CDH10: variants seen among roughly 807,000 people sequenced by gnomAD.
CDH10 encodes cadherin 10, also known as cadherin-10.
Under a neutral mutation model 73.1 loss-of-function variants are expected in CDH10, and 30 were observed. That is an observed-to-expected ratio of 0.41 (90% CI 0.31 to 0.56). The LOEUF is 0.56. CDH10 is among the 20% of genes least tolerant of loss of function. The pLI is 0.27. For missense variants in CDH10, 815 were observed against 973.7 expected (o/e 0.84, Z 2.17); for synonymous variants, 345 against 348.2 (o/e 0.99, Z 0.10).
At chr5:24,549,551 C>CTTT (rs56094828) in intron 2 of CDH10, among the ~76,000 whole-genome samples, 55,353 of 133,098 alleles carry the variant, frequency 0.42, 12,392 homozygotes, top group South Asian at 0.51. Context: ...AATGGAATGA[C>CTTT]TTTTTTTTTT....
chr5:24,499,139 T>C (rs1458974707), intron 8 of CDH10, among the ~76,000 whole-genome samples: 1 of 152,236 alleles, frequency 6.6e-6, no homozygotes, highest in African/African-American at 2.4e-5. Flanking sequence ...ACAACTGCTG[T>C]CAAATTTCTG....
intron 1 of CDH10, among the ~76,000 whole-genome samples, chr5:24,639,925 A>G (rs1002154459): frequency 4.6e-5 from 7 of 151,772 alleles, no homozygotes; most frequent in Admixed American, 6.6e-5. Flanking sequence ...ATAAGTGCTG[A>G]ATTCCCACAC....
intron 11 of CDH10, among the ~76,000 whole-genome samples, chr5:24,489,239 A>G (rs1047334001): frequency 6.6e-6 from 1 of 152,254 alleles, no homozygotes; most frequent in Non-Finnish European, 1.5e-5. Flanking sequence ...AATTAATTAC[A>G]TTATTATATG....
At chr5:24,635,847 G>A (rs1266874084) in intron 1 of CDH10, among the ~76,000 whole-genome samples, 1 of 151,726 alleles carries the variant, frequency 6.6e-6, no homozygotes, top group African/African-American at 2.4e-5. Context: ...GAAATGTTTT[G>A]GTTCAAACTC....
At position 24,513,372 on chromosome 5, in the gene CDH10, C is replaced by A. The variant is rs189953627; in HGVS notation, c.815-1858G>T. ...ACATAAAATTCCTTCCCCTTATCCT[C>A]ATGTTATCATAATGCAGTTTACCAA... is the stretch of plus-strand genomic sequence containing the variant. On this transcript the variant is annotated intron_variant, in intron 5 of 11. Transcript: ENST00000264463. 7.9e-5 allele frequency among the ~76,000 whole-genome samples: 12 copies of A among 152,184 alleles called. No individual in the cohort carries two copies. In the East Asian group the frequency reaches 2.1e-3, roughly 27 times the overall value.
At chr5:24,604,898 A>AAAAAAAAAAAAAAAAAAC (rs1746703525) in intron 1 of CDH10, among the ~76,000 whole-genome samples, 1 of 147,590 alleles carries the variant, frequency 6.8e-6, no homozygotes, top group African/African-American at 2.6e-5. Context: ...AAAAAAAACA[A>AAAAAAAAAAAAAAAAAAC]AAACAAACAA....
chr5:24,575,997 G>A (rs1309994401), intron 2 of CDH10, among the ~76,000 whole-genome samples: 1 of 151,880 alleles, frequency 6.6e-6, no homozygotes, highest in African/African-American at 2.4e-5. Flanking sequence ...CTGAAATATT[G>A]ACTCCTGCTG....
Position 24,497,074 on chromosome 5 carries a change from T to C in CDH10, c.1515+1324A>G, listed in dbSNP as rs992933622. Among the ~76,000 whole-genome samples the C allele has an allele frequency of 2.0e-5, 3 of 152,118 alleles. No homozygotes were observed. The East Asian group carries it at 5.8e-4, about 29-fold the overall frequency. ...TTATTTTCCTTCAATACACCAGCTGTTTTTTAAATGTCCAAAAGGTATGGA... is the reference window on the plus strand; with the variant it reads ...TTATTTTCCTTCAATACACCAGCTGCTTTTTAAATGTCCAAAAGGTATGGA... On this transcript the variant is annotated intron_variant, in intron 9 of 11. Transcript: ENST00000264463.
intron 8 of CDH10, among the ~76,000 whole-genome samples, chr5:24,502,298 C>G (rs796925971): frequency 2.6e-5 from 4 of 152,190 alleles, no homozygotes; most frequent in African/African-American, 9.6e-5. Flanking sequence ...AAATAATTAC[C>G]TGGAGTGGTG....
rs1305882886 is a variant in CDH10 at position 24,487,945 on chromosome 5, T to C, written c.2085A>G (p.Leu695=). ...KLRRDIIPET[L]FIPRRTPTAP... ...CTGTAGGAGTCCTCCGAGGAATAAATAACGTTTCTGGAATAATATCTCGCC... is the reference window on the plus strand; with the variant it reads ...CTGTAGGAGTCCTCCGAGGAATAAACAACGTTTCTGGAATAATATCTCGCC... The change falls in exon 12 of 12, where the codon TTA becomes TTG. Residue 695 remains leucine, a synonymous_variant. Coordinates refer to ENST00000264463, the MANE Select transcript of CDH10 (RefSeq NM_006727.5). The C allele has an allele frequency of 6.2e-7, 1 of 1,613,798 alleles. No individual in the cohort carries two copies. The highest frequency in any genetic ancestry group is 2.2e-5 in the East Asian group (1 of 44,848).
At chr5:24,557,854 GCAA>G (rs997925367) in intron 2 of CDH10, among the ~76,000 whole-genome samples, 2 of 151,664 alleles carry the variant, frequency 1.3e-5, no homozygotes, top group African/African-American at 4.8e-5. Flanking sequence ...GATTAAAGAG[GCAA>G]CTAATGATGC....
At chr5:24,558,562 T>C (rs925706298) in intron 2 of CDH10, among the ~76,000 whole-genome samples, 6 of 151,552 alleles carry the variant, frequency 4.0e-5, no homozygotes, top group Non-Finnish European at 8.9e-5. Context: ...TTATATAGAA[T>C]ACTGCATTCA....
In CDH10 at chr5:24,576,708, C is replaced by CA. The variant is rs771308269; in HGVS notation, c.231+16551dup. 9.2e-5 allele frequency among the ~76,000 whole-genome samples: 14 copies of CA among 152,084 alleles called. No homozygotes were observed. In the Middle Eastern group the frequency reaches 0.01, roughly 111 times the overall value. ...AAATAAATGAACAGGGGAGAAGAGA[C>CA]AAATATCCTACAGAAGAATTTCAGG... On this transcript the variant is annotated intron_variant, in intron 2 of 11. Coordinates refer to ENST00000264463, the MANE Select transcript of CDH10 (RefSeq NM_006727.5).
At chr5:24,565,818 T>C (rs545470159) in intron 2 of CDH10, among the ~76,000 whole-genome samples, 1 of 151,948 alleles carries the variant, frequency 6.6e-6, no homozygotes, top group South Asian at 2.1e-4. Flanking sequence ...TGGGAGGACA[T>C]AGCAAGAAGG....
At chr5:24,514,492 G>T (rs12654098) in intron 5 of CDH10, among the ~76,000 whole-genome samples, 1 of 151,900 alleles carries the variant, frequency 6.6e-6, no homozygotes, top group Non-Finnish European at 1.5e-5. Context: ...AGTTCACTAT[G>T]ATTCTACCAC....
rs575253695 is a variant in CDH10, at chr5:24,567,731, G to A, written c.231+25529C>T. Among the ~76,000 whole-genome samples, 40 of 152,032 alleles carry A rather than the reference G, an allele frequency of 2.6e-4. No individual in the cohort carries two copies. The South Asian group carries it at 3.9e-3, about 15-fold the overall frequency. ...TGTAATTGCAAATGTATATGTATTTGTCAAAACTCATCAAAGTACACTCCA... is the reference window on the plus strand; with the variant it reads ...TGTAATTGCAAATGTATATGTATTTATCAAAACTCATCAAAGTACACTCCA... On this transcript the variant is annotated intron_variant, in intron 2 of 11. Transcript: ENST00000264463.
chr5:24,597,054 T>A (rs1007782488), intron 1 of CDH10, among the ~76,000 whole-genome samples: 1 of 152,048 alleles, frequency 6.6e-6, no homozygotes, highest in South Asian at 2.1e-4. Flanking sequence ...CCCAGTTAAT[T>A]TTATTTTTGG....
At position 24,535,283 on chromosome 5, in the gene CDH10, G is replaced by C. The variant is rs376542166; in HGVS notation, c.647-4C>G. The C allele has an allele frequency of 9.4e-6, 15 of 1,599,210 alleles. No homozygotes were observed. In the African/African-American group the frequency reaches 1.9e-4, roughly 20 times the overall value. ...GGTAAAGCAGTCCTGATGATACCTT[G>C]AGAAAATATAAAAAAACTTCCATTA... On this transcript the variant is annotated splice_region_variant and splice_polypyrimidine_tract_variant and intron_variant, in intron 4 of 11. Transcript: ENST00000264463.
Position 24,537,665 on chromosome 5 carries a change from C to T in CDH10, c.241G>A (p.Asp81Asn), listed in dbSNP as rs2111897579. The T allele has an allele frequency of 6.3e-7, 1 of 1,581,522 alleles. No individual in the cohort carries two copies. Among genetic ancestry groups the T allele is most frequent in the Non-Finnish European group, 8.7e-7 (1 of 1,154,852 alleles). Reference protein sequence around the residue: ...DYQYVGKLHSDQDKGDGSLKY... With the variant: ...DYQYVGKLHSNQDKGDGSLKY... ...AGTGATCCATCTCCTTTATCTTGGT[C>T]TGAATGTAGCTAGGGGAAATAAAAA... The change falls in exon 3 of 12, where the codon GAC becomes AAC. Residue 81 changes from aspartate to asparagine, a missense_variant. Around this residue, in one of 3 missense-constraint regions of CDH10, gnomAD observed 516 missense variants for 636.6 expected, o/e 0.81. Transcript: ENST00000264463.
Sources: gnomAD v4.1 joint callset for allele counts (sites outside exome capture counted in the v4.1 genomes callset) on GRCh38, gnomAD v4.1.1 for gene constraint, gnomAD v4.1.1 regional missense constraint, MANE v1.5 for transcripts, NCBI Gene and HGNC (gene_info 2026-07-23, HGNC 2026-07-21) for gene names.